SRPK2: variants seen among roughly 807,000 people sequenced by gnomAD.
SRPK2 encodes SFRS protein kinase 2.
Under a neutral mutation model 90.8 loss-of-function variants are expected in SRPK2, and 21 were observed. That is an observed-to-expected ratio of 0.23 (90% CI 0.16 to 0.33). The LOEUF (loss-of-function observed/expected upper bound fraction) is 0.33. Ranked by LOEUF, SRPK2 falls within the 10% of genes least tolerant of loss-of-function variation. The pLI is 1.00. For synonymous variants in SRPK2, 288 were observed against 311.1 expected (o/e 0.93, Z 0.78); for missense variants, 620 against 869.0 (o/e 0.71, Z 3.60).
At chr7:105,141,962 C>T (rs377329091) in intron 11 of SRPK2, 46 bp downstream of exon 11, 4 of 1,570,224 alleles carry the variant, frequency 2.5e-6, no homozygotes, top group South Asian at 1.2e-5. Context: ...AAAGGCACGT[C>T]CCTGGAGTCA....
At chr7:105,283,244 G>A (rs1807581587) in intron 2 of SRPK2, among the ~76,000 whole-genome samples, 1 of 152,154 alleles carries the variant, frequency 6.6e-6, no homozygotes, top group Non-Finnish European at 1.5e-5. Flanking sequence ...TCTTACAAGA[G>A]TTACAGAGTT....
intron 2 of SRPK2, among the ~76,000 whole-genome samples, chr7:105,328,884 A>T (rs1456349863): frequency 2.0e-5 from 3 of 151,098 alleles, no homozygotes; most frequent in Non-Finnish European, 3.0e-5. Context: ...AAAAAAAAAA[A>T]TTTAATAGAA....
chr7:105,203,127 T>C (rs1157160079), intron 3 of SRPK2, among the ~76,000 whole-genome samples: 2 of 152,170 alleles, frequency 1.3e-5, no homozygotes, highest in Non-Finnish European at 2.9e-5. Flanking sequence ...TGCCTGGAAC[T>C]ACAGGCACTT....
intron 2 of SRPK2, among the ~76,000 whole-genome samples, chr7:105,385,703 T>C (rs1432910013): frequency 2.0e-5 from 3 of 152,200 alleles, no homozygotes; most frequent in Non-Finnish European, 4.4e-5. Flanking sequence ...ATGCCATTTC[T>C]CAGAGAGTGG....
At chr7:105,168,803 C>T (rs1280093145) in intron 4 of SRPK2, among the ~76,000 whole-genome samples, 1 of 97,036 alleles carries the variant, frequency 1.0e-5, no homozygotes, top group Non-Finnish European at 2.6e-5. Context: ...AATGAAGTTT[C>T]TTACTATGGG....
At chr7:105,396,820 AAG>A (rs141143136) in intron 1 of SRPK2, among the ~76,000 whole-genome samples, 12,257 of 116,262 alleles carry the variant, frequency 0.11, 875 homozygotes, top group East Asian at 0.44. Flanking sequence ...GAAAGAGAGA[AAG>A]AGAGAGAGAG....
chr7:105,250,897 A>C (rs1189447163), intron 2 of SRPK2, among the ~76,000 whole-genome samples: 2 of 152,170 alleles, frequency 1.3e-5, no homozygotes, highest in African/African-American at 4.8e-5. Context: ...CTGGGGAGGC[A>C]AGGGATAATA....
chr7:105,209,849 ATATT>A (rs1274232776), intron 2 of SRPK2, among the ~76,000 whole-genome samples: 15 of 152,308 alleles, frequency 9.8e-5, no homozygotes, highest in African/African-American at 3.4e-4. Flanking sequence ...ACAAAGAACT[ATATT>A]TATTTTTACA....
At chr7:105,254,950 A>G (rs1033870674) in intron 2 of SRPK2, among the ~76,000 whole-genome samples, 2 of 151,748 alleles carry the variant, frequency 1.3e-5, no homozygotes, top group Non-Finnish European at 2.9e-5. Flanking sequence ...TCGGCCTCCC[A>G]AAGTGCTGGG....
intron 2 of SRPK2, among the ~76,000 whole-genome samples, chr7:105,359,150 C>CTTTTTTT (rs35765090): frequency 1.1e-4 from 6 of 54,798 alleles, no homozygotes; most frequent in African/African-American, 3.0e-4. Context: ...CAAACCACAG[C>CTTTTTTT]TTTTTTTTTT....
At chr7:105,334,045 C>A (rs914978055) in intron 2 of SRPK2, among the ~76,000 whole-genome samples, 1 of 151,958 alleles carries the variant, frequency 6.6e-6, no homozygotes, top group Non-Finnish European at 1.5e-5. Context: ...GCCTCAGCCT[C>A]CCAAGTAGCT....
intron 2 of SRPK2, among the ~76,000 whole-genome samples, chr7:105,327,581 T>C (rs897291327): frequency 3.3e-5 from 5 of 152,154 alleles, no homozygotes; most frequent in African/African-American, 1.2e-4. Flanking sequence ...CATTTTGAGA[T>C]GAATTAATTG....
intron 3 of SRPK2, among the ~76,000 whole-genome samples, chr7:105,192,104 T>C (rs547844348): frequency 1.4e-3 from 213 of 151,650 alleles, no homozygotes; most frequent in African/African-American, 4.8e-3. Flanking sequence ...TGGTGTTTGG[T>C]TACATGAGTA....
intron 2 of SRPK2, among the ~76,000 whole-genome samples, chr7:105,337,328 T>C (rs1815214881): frequency 6.6e-6 from 1 of 151,618 alleles, no homozygotes; most frequent in Non-Finnish European, 1.5e-5. Context: ...TTTTTTTTTT[T>C]TTTTGAGATG....
At chr7:105,330,247 GA>G (rs930712611) in intron 2 of SRPK2, among the ~76,000 whole-genome samples, 18 of 151,968 alleles carry the variant, frequency 1.2e-4, no homozygotes, top group African/African-American at 3.9e-4. Flanking sequence ...GGCTGAGGCA[GA>G]ATGGCGTCAA....
At chr7:105,286,727 C>A (rs1808154860) in intron 2 of SRPK2, among the ~76,000 whole-genome samples, 1 of 152,240 alleles carries the variant, frequency 6.6e-6, no homozygotes, top group Non-Finnish European at 1.5e-5. Flanking sequence ...ATGCATAATT[C>A]ATTTTACAAA....
upstream of SRPK2, among the ~76,000 whole-genome samples, chr7:105,392,917 A>C (rs888655358): frequency 6.6e-6 from 1 of 150,994 alleles, no homozygotes; most frequent in Non-Finnish European, 1.5e-5. Context: ...GGTTCAAACA[A>C]TTCTCCTCCC....
At chr7:105,166,160 G>C (rs1164386969) in intron 6 of SRPK2, among the ~76,000 whole-genome samples, 3 of 152,186 alleles carry the variant, frequency 2.0e-5, no homozygotes, top group African/African-American at 4.8e-5. Flanking sequence ...CTTCTGTCAG[G>C]ATAATTTAAA....
intron 7 of SRPK2, among the ~76,000 whole-genome samples, chr7:105,155,025 G>T (rs1806294527): frequency 6.6e-6 from 1 of 150,746 alleles, no homozygotes; most frequent in Non-Finnish European, 1.5e-5. Context: ...TTGTCACCCA[G>T]GCTGGAGTGC....
Sources: allele counts gnomAD v4.1 joint callset (sites outside exome capture counted in the v4.1 genomes callset), GRCh38; gene constraint gnomAD v4.1.1; transcripts MANE v1.5; gene names NCBI Gene and HGNC (gene_info 2026-07-23, HGNC 2026-07-21).